Variants in FAM171A1 observed in about 807,000 individuals in gnomAD.
The protein encoded by FAM171A1 is family with sequence similarity 171 member A1.
FAM171A1 carries 23 observed loss-of-function variants against 74.9 expected under a neutral mutation model. The ratio of observed to expected loss-of-function variants is 0.31; its 90% CI spans 0.22 to 0.44. The LOEUF is 0.44. Ranked by LOEUF, FAM171A1 falls within the 20% of genes least tolerant of loss-of-function variation. The probability of loss-of-function intolerance (pLI) is 1.00; values close to 1 mark genes in which losing one functional copy is unlikely to be tolerated. For missense variants in FAM171A1, 1,162 were observed against 1,159.2 expected, an observed-to-expected ratio of 1.00 and a Z score of -0.03; for synonymous variants, 527 against 505.7, an observed-to-expected ratio of 1.04 and a Z score of -0.57.
At chr10:15,358,258 G>A (rs1257592939) in intron 1 of FAM171A1, among the ~76,000 whole-genome samples, 1 of 152,134 alleles carries the variant, frequency 6.6e-6, no homozygotes, top group Non-Finnish European at 1.5e-5. Flanking sequence ...TTACAGCTGT[G>A]AGCCACTGTG....
intron 1 of FAM171A1, among the ~76,000 whole-genome samples, chr10:15,347,385 T>G (rs1588565120): frequency 2.0e-5 from 3 of 152,204 alleles, no homozygotes; most frequent in Admixed American, 6.5e-5. Flanking sequence ...CGATGCAGTC[T>G]GACTGGAGGT....
intron 4 of FAM171A1, among the ~76,000 whole-genome samples, chr10:15,253,682 T>C (rs1240757072): frequency 6.6e-6 from 1 of 152,250 alleles, no homozygotes; most frequent in East Asian, 1.9e-4. Flanking sequence ...CAAGTATCCC[T>C]GGGAAATGCA....
At chr10:15,286,372 C>T (rs965053422) in intron 1 of FAM171A1, among the ~76,000 whole-genome samples, 1 of 152,144 alleles carries the variant, frequency 6.6e-6, no homozygotes, top group Non-Finnish European at 1.5e-5. Context: ...CCTCTGCCTG[C>T]TGGGTTCAAG....
At chr10:15,341,654 C>T (rs1160549013) in intron 1 of FAM171A1, among the ~76,000 whole-genome samples, 3 of 152,188 alleles carry the variant, frequency 2.0e-5, no homozygotes, top group Non-Finnish European at 2.9e-5. Flanking sequence ...AAAAGTGATA[C>T]CATCCCAGCA....
intron 1 of FAM171A1, among the ~76,000 whole-genome samples, chr10:15,356,207 AATAC>A (rs1361211799): frequency 4.0e-5 from 6 of 150,312 alleles, no homozygotes; most frequent in Admixed American, 6.7e-5. Context: ...CATATATATA[AATAC>A]ATACATACAT....
Position 15,310,112 on chromosome 10 carries a change from A to G in FAM171A1, c.98-26007T>C, listed in dbSNP as rs536861527. ...TTTCTGGCCTTCAAAAACCAAATATATAAAAGAATGGCCAGTTTCCAGTTT... is the reference window on the plus strand; with the variant it reads ...TTTCTGGCCTTCAAAAACCAAATATGTAAAAGAATGGCCAGTTTCCAGTTT... On this transcript the variant is annotated intron_variant, in intron 1 of 7. Transcript: ENST00000378116. 2.6e-5 allele frequency among the ~76,000 whole-genome samples: 4 copies of G among 152,318 alleles called. No individual in the cohort carries two copies. In the South Asian group the frequency reaches 8.3e-4, roughly 32 times the overall value.
At chr10:15,342,757 A>T (rs1320940757) in intron 1 of FAM171A1, among the ~76,000 whole-genome samples, 1 of 152,210 alleles carries the variant, frequency 6.6e-6, no homozygotes, top group Non-Finnish European at 1.5e-5. Context: ...AATAGACATG[A>T]ATTTTAATTC....
At chr10:15,225,946 T>C (rs767722100) in intron 5 of FAM171A1, among the ~76,000 whole-genome samples, 1 of 152,202 alleles carries the variant, frequency 6.6e-6, no homozygotes, top group Non-Finnish European at 1.5e-5. Flanking sequence ...CAGTCCCTAA[T>C]GTGACAGCAG....
At chr10:15,225,992 T>A (rs1834101640) in intron 5 of FAM171A1, among the ~76,000 whole-genome samples, 1 of 152,180 alleles carries the variant, frequency 6.6e-6, no homozygotes, top group South Asian at 2.1e-4. Flanking sequence ...CCCTTCACCC[T>A]GAGCTTCTCT....
chr10:15,261,819 C>T (rs572633673), intron 3 of FAM171A1, among the ~76,000 whole-genome samples: 3 of 152,154 alleles, frequency 2.0e-5, no homozygotes, highest in Middle Eastern at 3.4e-3. Flanking sequence ...CTTGGTAAGT[C>T]CCAATCAAGA....
chr10:15,234,635 G>A (rs1424250371), intron 5 of FAM171A1, among the ~76,000 whole-genome samples: 1 of 151,858 alleles, frequency 6.6e-6, no homozygotes, highest in Admixed American at 6.6e-5. Context: ...GCTGCAGGAG[G>A]GGACCGATCA....
chr10:15,370,936 C>G lies in FAM171A1; in HGVS notation c.97+20G>C. 8.9e-7 allele frequency: 1 copy of G among 1,128,502 alleles called. No homozygotes were observed. Among genetic ancestry groups the G allele is most frequent in the Non-Finnish European group, 1.1e-6 (1 of 903,168 alleles). The allele number at this position is 1,128,502 out of a possible 1,614,324, so 69.9% of individuals were successfully genotyped here. On this transcript the variant is annotated intron_variant, in intron 1 of 7. Transcript: ENST00000378116. ...GCCCGGCGCGACACAAAGCCCCCGG[C>G]CCCGCCGCCGCCCACTGACCTTGGG...
intron 5 of FAM171A1, among the ~76,000 whole-genome samples, chr10:15,222,545 C>T (rs1834052152): frequency 6.6e-6 from 1 of 152,214 alleles, no homozygotes; most frequent in African/African-American, 2.4e-5. Context: ...ACATGTAGTT[C>T]ATCGTTGACC....
chr10:15,351,179 A>C (rs1050372374), intron 1 of FAM171A1, among the ~76,000 whole-genome samples: 76 of 152,216 alleles, frequency 5.0e-4, no homozygotes, highest in African/African-American at 1.8e-3. Flanking sequence ...CTTTGCTCAG[A>C]TCAGAAGAAT....
intron 1 of FAM171A1, among the ~76,000 whole-genome samples, chr10:15,365,531 G>A (rs372366589): frequency 2.0e-5 from 3 of 152,330 alleles, no homozygotes; most frequent in African/African-American, 7.2e-5. Context: ...AGTACTTTGG[G>A]AGGCCTAGGT....
chr10:15,229,214 CT>C (rs1475160417), intron 5 of FAM171A1, among the ~76,000 whole-genome samples: 1 of 152,166 alleles, frequency 6.6e-6, no homozygotes. Context: ...GTCACTTGTG[CT>C]GGTGCAGGCA....
intron 4 of FAM171A1, among the ~76,000 whole-genome samples, chr10:15,251,554 C>T (rs1834508703): frequency 6.6e-6 from 1 of 151,920 alleles, no homozygotes; most frequent in Admixed American, 6.6e-5. Flanking sequence ...AGGCACACAC[C>T]ACCACTCCTT....
intron 3 of FAM171A1, among the ~76,000 whole-genome samples, chr10:15,267,994 G>A (rs1834769558): frequency 6.6e-6 from 1 of 152,206 alleles, no homozygotes; most frequent in African/African-American, 2.4e-5. Context: ...GGCTGTGAAG[G>A]AGAAGACAAG....
At chr10:15,305,664 T>TAAAAAAAAAAAA (rs59843893) in intron 1 of FAM171A1, among the ~76,000 whole-genome samples, 1 of 52,930 alleles carries the variant, frequency 1.9e-5, no homozygotes, top group Non-Finnish European at 3.2e-5. Flanking sequence ...GAGATCTGGC[T>TAAAAAAAAAAAA]AAAAAAAAAA....
Sources: allele counts gnomAD v4.1 joint callset (sites outside exome capture counted in the v4.1 genomes callset), GRCh38; gene constraint gnomAD v4.1.1; transcripts MANE v1.5; gene names NCBI Gene and HGNC (gene_info 2026-07-23, HGNC 2026-07-21).